The following ENPP3 variants were observed in gnomAD, a reference collection of about 807,000 sequenced individuals.
ENPP3 encodes the protein ectonucleotide pyrophosphatase/phosphodiesterase 3, also known as ectonucleotide pyrophosphatase/phosphodiesterase family member 3.
Under a neutral mutation model 117.8 loss-of-function variants are expected in ENPP3, and 104 were observed. That is an observed-to-expected ratio of 0.88 (90% CI 0.75 to 1.04). ENPP3 has a LOEUF of 1.04. Among genes scored for constraint, ENPP3 ranks in the 50% least tolerant of loss-of-function variants. ENPP3 has a pLI of 0.00. For synonymous variants in ENPP3, 380 were observed against 349.9 expected (o/e 1.09, Z -0.96); for missense variants, 1,026 against 1,051.9 (o/e 0.98, Z 0.34).
intron 6 of ENPP3, among the ~76,000 whole-genome samples, chr6:131,659,342 T>C (rs1260155349): frequency 6.6e-6 from 1 of 152,164 alleles, no homozygotes; most frequent in Non-Finnish European, 1.5e-5. Flanking sequence ...TGCTAAGAAG[T>C]GGCATAGTTA....
intron 21 of ENPP3, among the ~76,000 whole-genome samples, chr6:131,736,883 C>T (rs1429507678): frequency 6.6e-6 from 1 of 152,036 alleles, no homozygotes; most frequent in East Asian, 1.9e-4. Context: ...GGGGAAAATC[C>T]TTCCTTGTCT....
At chr6:131,707,031 A>G (rs1205573294) in intron 15 of ENPP3, among the ~76,000 whole-genome samples, 2 of 150,670 alleles carry the variant, frequency 1.3e-5, no homozygotes, top group African/African-American at 4.9e-5. Context: ...TTTTAAAAAC[A>G]TGTTAGAATT....
Position 131,683,091 on chromosome 6 carries a change from G to T in ENPP3, c.1049G>T (p.Gly350Val), listed in dbSNP as rs1164084254. 1.2e-6 allele frequency: 2 copies of T among 1,612,156 alleles called. No individual in the cohort carries two copies. ...TTACAGGTAGTAGATCATGCTTTTG[G>T]GATGTTGATGGAAGGCCTGAAGCAG... ...KALQVVDHAF[G>V]MLMEGLKQRN... Residue 350 changes from glycine (G) to valine (V), a missense_variant, in exon 12 of 25, where the codon GGG (glycine) becomes GTG (valine). Gly to Val is a moderately radical substitution (Grantham distance 109). Transcript: ENST00000357639.
At chr6:131,668,615 G>A (rs972641330) in intron 6 of ENPP3, among the ~76,000 whole-genome samples, 1 of 152,000 alleles carries the variant, frequency 6.6e-6, no homozygotes, top group Non-Finnish European at 1.5e-5. Context: ...AAACCTAGTT[G>A]CATAGGCTTA....
chr6:131,648,460 A>G (rs879410275), intron 2 of ENPP3, among the ~76,000 whole-genome samples: 2 of 152,004 alleles, frequency 1.3e-5, no homozygotes, highest in Non-Finnish European at 2.9e-5. Flanking sequence ...TCCCATTACT[A>G]TGTGTTATTC....
Position 131,746,917 on chromosome 6 carries a change from A to G in ENPP3, c.2589A>G (p.Gln863=). Residue 863 remains glutamine, a synonymous_variant, in exon 25 of 25, where the codon CAA becomes CAG. Coordinates refer to ENST00000357639, the MANE Select transcript of ENPP3 (RefSeq NM_005021.5). ...TGCAGCCTGTCTCTGAAATTTTGCA[A>G]CTAAAGACATATTTACCAACATTTG... ...DKVQPVSEIL[Q]LKTYLPTFET... 1.2e-6 allele frequency: 2 copies of G among 1,609,896 alleles called. No individual in the cohort carries two copies. The highest frequency in any genetic ancestry group is 1.1e-5 in the South Asian group (1 of 90,330).
intron 1 of ENPP3, among the ~76,000 whole-genome samples, chr6:131,639,269 T>TTC (rs1777993164): frequency 7.5e-6 from 1 of 133,324 alleles, no homozygotes; most frequent in Non-Finnish European, 1.6e-5. Flanking sequence ...ATATATATTT[T>TTC]TTTTTTTTTC....
At chr6:131,710,217 C>A in intron 15 of ENPP3, 1 of 1,604,216 alleles carries the variant, frequency 6.2e-7, no homozygotes, top group East Asian at 2.2e-5. Context: ...CAGTCAGGGT[C>A]TTGATGTGAT....
At chr6:131,730,168 G>A (rs565304376) in intron 20 of ENPP3, among the ~76,000 whole-genome samples, 4 of 152,198 alleles carry the variant, frequency 2.6e-5, no homozygotes, top group East Asian at 1.9e-4. Flanking sequence ...TGAGTACAAC[G>A]ATAAAGATGT....
chr6:131,692,628 T>G (rs1585675818), intron 14 of ENPP3, among the ~76,000 whole-genome samples: 1 of 148,472 alleles, frequency 6.7e-6, no homozygotes. Flanking sequence ...CTGTCCATTT[T>G]CTGTTAAAAA....
intron 12 of ENPP3, 52 bp from the exon 13 acceptor site, chr6:131,685,312 C>G: frequency 2.1e-6 from 3 of 1,461,256 alleles, no homozygotes; most frequent in Non-Finnish European, 1.9e-6. Context: ...AGAAATCAAC[C>G]GTTGCCATTT....
chr6:131,718,050 C>T (rs1779935890), intron 15 of ENPP3, among the ~76,000 whole-genome samples: 1 of 152,156 alleles, frequency 6.6e-6, no homozygotes, highest in African/African-American at 2.4e-5. Context: ...GTGATGTTTC[C>T]ACAATGATAA....
At chr6:131,675,391 G>C in intron 9 of ENPP3, 1 of 530,072 alleles carries the variant, frequency 1.9e-6, no homozygotes, top group Non-Finnish European at 3.4e-6. Context: ...TGTAGCCTGA[G>C]AACTTTTTAT....
intron 20 of ENPP3, among the ~76,000 whole-genome samples, chr6:131,727,877 C>G (rs912843104): frequency 6.6e-6 from 1 of 152,180 alleles, no homozygotes; most frequent in Admixed American, 6.5e-5. Flanking sequence ...AGTACCACCT[C>G]TTTTATGGAA....
chr6:131,688,895 CCAA>C (rs1217194985), intron 14 of ENPP3, among the ~76,000 whole-genome samples: 3 of 100,232 alleles, frequency 3.0e-5, no homozygotes, highest in African/African-American at 2.2e-4. Context: ...TACTAAAAAT[CCAA>C]AAAAAAAAAA....
chr6:131,742,484 G>A (rs896872969), intron 24 of ENPP3, among the ~76,000 whole-genome samples: 3 of 152,182 alleles, frequency 2.0e-5, no homozygotes, highest in South Asian at 2.1e-4. Context: ...AAGTAGATTT[G>A]TGGTCTCCTC....
chr6:131,672,672 C>T (rs995437656), intron 7 of ENPP3, among the ~76,000 whole-genome samples: 8 of 151,478 alleles, frequency 5.3e-5, no homozygotes, highest in African/African-American at 1.9e-4. Context: ...ACTATATATA[C>T]ATAAATATAT....
chr6:131,741,653 A>T (rs1377764667), intron 24 of ENPP3, among the ~76,000 whole-genome samples: 2 of 152,188 alleles, frequency 1.3e-5, no homozygotes, highest in Non-Finnish European at 2.9e-5. Flanking sequence ...CCCCACCCCA[A>T]AAGGAAACTC....
rs1455531084 is a variant in ENPP3, at chr6:131,693,562, T to C, written c.1350T>C (p.Tyr450=). ...LTPDLPKRLH[Y]AKNVRIDKVH... ...CTGATTTGCCAAAGCGACTGCACTA[T>C]GCCAAGAACGTCAGAATCGACAAAG... Residue 450 remains tyrosine (Y), a synonymous_variant, in exon 15 of 25, where the codon TAT becomes TAC. Transcript: ENST00000357639. The C allele has an allele frequency of 1.2e-6, 2 of 1,613,904 alleles. No homozygotes were observed. The highest frequency in any genetic ancestry group is 3.3e-5 in the Admixed American group (2 of 59,980).
Sources: gnomAD v4.1 joint callset for allele counts (sites outside exome capture counted in the v4.1 genomes callset) on GRCh38, gnomAD v4.1.1 for gene constraint, MANE v1.5 for transcripts, NCBI Gene and HGNC (gene_info 2026-07-23, HGNC 2026-07-21) for gene names.